The following MAGI2 variants were observed in gnomAD, a reference collection of about 807,000 sequenced individuals.
MAGI2 encodes membrane associated guanylate kinase, WW and PDZ domain containing 2.
MAGI2 carries 35 observed loss-of-function variants against 133.3 expected under a neutral mutation model. That is an observed-to-expected ratio of 0.26 (90% CI 0.20 to 0.35). MAGI2 has a LOEUF of 0.35. MAGI2 is among the 10% of genes least tolerant of loss of function. The pLI, the probability that MAGI2 is intolerant of heterozygous loss-of-function variation, is 1.00. For missense variants in MAGI2, 1,636 were observed against 1,863.4 expected (o/e 0.88, Z 2.25); for synonymous variants, 729 against 710.6 (o/e 1.03, Z -0.41).
At chr7:79,364,667 A>C (rs927977655) in intron 1 of MAGI2, among the ~76,000 whole-genome samples, 1 of 152,088 alleles carries the variant, frequency 6.6e-6, no homozygotes, top group Non-Finnish European at 1.5e-5. Flanking sequence ...ATTTTTGACA[A>C]TAGTGCAAAA....
chr7:78,397,701 G>A (rs1318384953), intron 6 of MAGI2, among the ~76,000 whole-genome samples: 1 of 152,074 alleles, frequency 6.6e-6, no homozygotes, highest in African/African-American at 2.4e-5. Flanking sequence ...TTCTAAGATT[G>A]AGATATAAAA....
At chr7:78,716,533 G>C (rs1819720355) in intron 2 of MAGI2, among the ~76,000 whole-genome samples, 1 of 152,122 alleles carries the variant, frequency 6.6e-6, no homozygotes, top group Admixed American at 6.5e-5. Flanking sequence ...GGCCTTTAGA[G>C]GGAAAACATT....
chr7:78,601,316 T>G (rs1240611197), intron 3 of MAGI2, among the ~76,000 whole-genome samples: 1 of 152,124 alleles, frequency 6.6e-6, no homozygotes, highest in Non-Finnish European at 1.5e-5. Flanking sequence ...GAACACAAGT[T>G]GGTTAGATGT....
chr7:78,687,969 TAAAAAAAAAAAAAAAAA>T (rs72030909), intron 2 of MAGI2, among the ~76,000 whole-genome samples: 7 of 67,244 alleles, frequency 1.0e-4, no homozygotes, highest in Non-Finnish European at 5.5e-5. Context: ...GTCCTTGCCT[TAAAAAAAAAAAAAAAAA>T]AAAAAAAAAA....
rs541256591 is a variant in MAGI2 at position 78,836,238 on chromosome 7, T to C, written c.418+170852A>G. On this transcript the variant is annotated intron_variant, in intron 2 of 21. Transcript: ENST00000354212. ...ACCTTTCTTACAAAACTGAAGCACA[T>C]GGAAGTCAATAAATATATCTAAAGT... is the stretch of plus-strand genomic sequence containing the variant. Among the ~76,000 whole-genome samples the C allele has an allele frequency of 2.6e-5, 4 of 152,302 alleles. No individual in the cohort carries two copies. In the South Asian group the frequency reaches 8.3e-4, roughly 32 times the overall value.
intron 1 of MAGI2, among the ~76,000 whole-genome samples, chr7:79,059,571 T>C (rs1321020915): frequency 6.6e-6 from 1 of 152,094 alleles, no homozygotes; most frequent in African/African-American, 2.4e-5. Flanking sequence ...TCAAATTTAG[T>C]TATTTTGTTT....
rs1181227964 is a variant in MAGI2 at position 79,220,655 on chromosome 7, T to C, written c.302-213449A>G. On this transcript the variant is annotated intron_variant, in intron 1 of 21. Transcript: ENST00000354212. ...CTAGAGCTAATGCTCGGGGGCTAAA[T>C]AAGTCCTGGTGGCCCCCAAACCACT... Among the ~76,000 whole-genome samples, 4 of 152,036 alleles carry C rather than the reference T, an allele frequency of 2.6e-5. No homozygotes were observed. The East Asian group carries it at 7.7e-4, about 29-fold the overall frequency.
intron 6 of MAGI2, among the ~76,000 whole-genome samples, chr7:78,453,797 A>C (rs1054907388): frequency 4.0e-5 from 6 of 149,622 alleles, no homozygotes; most frequent in South Asian, 2.1e-4. Context: ...TTTCTTTAGT[A>C]ATCTGGAAAC....
At chr7:78,690,157 T>C (rs1252828444) in intron 2 of MAGI2, among the ~76,000 whole-genome samples, 1 of 152,202 alleles carries the variant, frequency 6.6e-6, no homozygotes. Flanking sequence ...TAGTTTTTAT[T>C]TTCCTATCTT....
At chr7:79,447,293 G>A (rs1046169619) in intron 1 of MAGI2, among the ~76,000 whole-genome samples, 4 of 152,112 alleles carry the variant, frequency 2.6e-5, no homozygotes, top group African/African-American at 9.6e-5. Context: ...TTCTATATAA[G>A]ATAATTTACT....
intron 6 of MAGI2, among the ~76,000 whole-genome samples, chr7:78,391,246 T>C (rs756055392): frequency 2.0e-5 from 3 of 152,210 alleles, no homozygotes; most frequent in Non-Finnish European, 2.9e-5. Flanking sequence ...TATGCTTTGG[T>C]TATACAGAAA....
At chr7:79,084,848 G>A (rs1405433687) in intron 1 of MAGI2, among the ~76,000 whole-genome samples, 1 of 151,474 alleles carries the variant, frequency 6.6e-6, no homozygotes, top group Non-Finnish European at 1.5e-5. Flanking sequence ...TTTAAATTTT[G>A]AATTCTTGAT....
chr7:79,363,649 G>A (rs1001144739), intron 1 of MAGI2, among the ~76,000 whole-genome samples: 34 of 149,464 alleles, frequency 2.3e-4, no homozygotes, highest in Admixed American at 1.1e-3. Flanking sequence ...GACTAGTAAT[G>A]ATATTCTGAA....
chr7:78,438,432 C>T (rs1021212041), intron 6 of MAGI2, among the ~76,000 whole-genome samples: 9 of 152,256 alleles, frequency 5.9e-5, no homozygotes, highest in Non-Finnish European at 8.8e-5. Flanking sequence ...GAATCTGGTA[C>T]GAGTTCCCTG....
At chr7:78,948,595 G>C (rs1305327051) in intron 2 of MAGI2, among the ~76,000 whole-genome samples, 1 of 152,014 alleles carries the variant, frequency 6.6e-6, no homozygotes, top group African/African-American at 2.4e-5. Context: ...TTTCATAGTG[G>C]AGACTCATTT....
intron 1 of MAGI2, among the ~76,000 whole-genome samples, chr7:79,131,431 A>G (rs1424120674): frequency 6.6e-6 from 1 of 152,226 alleles, no homozygotes; most frequent in Non-Finnish European, 1.5e-5. Flanking sequence ...AGAGGACGTG[A>G]TAAATACTAA....
chr7:78,491,261 T>G (rs1793575906), intron 5 of MAGI2, among the ~76,000 whole-genome samples: 1 of 152,090 alleles, frequency 6.6e-6, no homozygotes, highest in Admixed American at 6.6e-5. Flanking sequence ...GGAGTCAAGA[T>G]GAGTAGCAGA....
rs993023493 is a variant in MAGI2 at position 78,464,349 on chromosome 7, G to A, written c.1045+25412C>T. Among the ~76,000 whole-genome samples, 14 of 152,142 alleles carry A rather than the reference G, an allele frequency of 9.2e-5. No homozygotes were observed. The East Asian group carries it at 2.7e-3, about 29-fold the overall frequency. ...TGTGAAATCCAGTGGACAATTTTTA[G>A]TTCATGCCTTACCTGACTTCACTGC... On this transcript the variant is annotated intron_variant, in intron 6 of 21. Transcript: ENST00000354212.
chr7:78,391,977 C>G lies in MAGI2; in HGVS notation c.1046-22764G>C, dbSNP rs144659344. Among the ~76,000 whole-genome samples, 1,184 of 152,278 alleles carry G rather than the reference C, an allele frequency of 7.8e-3. 14 individuals carry two copies. Among genetic ancestry groups the G allele is most frequent in the African/African-American group, 0.027 (1,107 of 41,560 alleles). On this transcript the variant is annotated intron_variant, in intron 6 of 21. Transcript: ENST00000354212. Reference sequence around the variant, plus strand: ...GAAATTGGCTTTAAGATCTTCAATTCCTTGTAAGCAGGTAGTGAGAGCTGA... The same window carrying G: ...GAAATTGGCTTTAAGATCTTCAATTGCTTGTAAGCAGGTAGTGAGAGCTGA...
Sources: gnomAD v4.1 joint callset for allele counts (sites outside exome capture counted in the v4.1 genomes callset) on GRCh38, gnomAD v4.1.1 for gene constraint, MANE v1.5 for transcripts, NCBI Gene and HGNC (gene_info 2026-07-23, HGNC 2026-07-21) for gene names.